Variants in GABRB1 observed in about 807,000 individuals in gnomAD.
GABRB1 encodes the protein gamma-aminobutyric acid type A receptor subunit beta1, also known as gamma-aminobutyric acid receptor subunit beta-1.
GABRB1 carries 17 observed loss-of-function variants against 51.6 expected under a neutral mutation model. The ratio of observed to expected loss-of-function variants is 0.33; its 90% CI spans 0.23 to 0.49. GABRB1 has a LOEUF of 0.49. GABRB1 is among the 20% of genes least tolerant of loss of function. The pLI is 0.99. For synonymous variants in GABRB1, 247 were observed against 218.9 expected (o/e 1.13, Z -1.14); for missense variants, 410 against 600.6 (o/e 0.68, Z 3.32).
chr4:47,172,133 G>A (rs1010112939), intron 4 of GABRB1, among the ~76,000 whole-genome samples: 1 of 152,020 alleles, frequency 6.6e-6, no homozygotes, highest in South Asian at 2.1e-4. Flanking sequence ...TATGGATTAC[G>A]CAGCATCCCA....
At chr4:47,223,532 A>G (rs1272012868) in intron 4 of GABRB1, among the ~76,000 whole-genome samples, 1 of 152,128 alleles carries the variant, frequency 6.6e-6, no homozygotes, top group Non-Finnish European at 1.5e-5. Context: ...AAGCCTGACA[A>G]TTATAAATCA....
intron 4 of GABRB1, among the ~76,000 whole-genome samples, chr4:47,214,897 T>C (rs1720495254): frequency 6.6e-6 from 1 of 152,194 alleles, no homozygotes. Flanking sequence ...AAGTTCTAGC[T>C]AGGTATATGA....
chr4:47,189,257 G>A (rs893249717), intron 4 of GABRB1, among the ~76,000 whole-genome samples: 3 of 151,842 alleles, frequency 2.0e-5, no homozygotes, highest in African/African-American at 7.3e-5. Flanking sequence ...AGAGTACCAT[G>A]CATGGGTTAA....
chr4:47,032,495 T>C lies in GABRB1; in HGVS notation c.240+11T>C. On this transcript the variant is annotated intron_variant, in intron 3 of 8. Transcript: ENST00000295454. ...TCCGAAGTGAATATGGTGAGTGGCC[T>C]CCCGAGGGGCCCGGCGGTTCGGCTT... The C allele has an allele frequency of 6.2e-7, 1 of 1,613,186 alleles. No homozygotes were observed. The highest frequency in any genetic ancestry group is 8.5e-7 in the Non-Finnish European group (1 of 1,179,276).
intron 5 of GABRB1, among the ~76,000 whole-genome samples, chr4:47,366,343 A>G (rs1168540866): frequency 6.6e-6 from 1 of 152,186 alleles, no homozygotes; most frequent in Non-Finnish European, 1.5e-5. Flanking sequence ...TGGCCCTCAA[A>G]TTACAACATA....
At chr4:47,139,748 T>C (rs1716833766) in intron 3 of GABRB1, among the ~76,000 whole-genome samples, 1 of 151,984 alleles carries the variant, frequency 6.6e-6, no homozygotes. Context: ...TCTCAAACTT[T>C]AATGTAAATA....
intron 4 of GABRB1, among the ~76,000 whole-genome samples, chr4:47,178,236 A>G (rs1718783294): frequency 6.6e-6 from 1 of 152,098 alleles, no homozygotes; most frequent in African/African-American, 2.4e-5. Context: ...TAAACACTCA[A>G]TGAATGGGAA....
chr4:47,074,616 TATA>T (rs1727473547), intron 3 of GABRB1, among the ~76,000 whole-genome samples: 1 of 152,214 alleles, frequency 6.6e-6, no homozygotes, highest in Non-Finnish European at 1.5e-5. Context: ...TTAGCTCCGT[TATA>T]ATATTATTGC....
At chr4:47,343,654 T>C (rs1401848774) in intron 5 of GABRB1, among the ~76,000 whole-genome samples, 1 of 152,208 alleles carries the variant, frequency 6.6e-6, no homozygotes, top group African/African-American at 2.4e-5. Context: ...TGGACCCTGG[T>C]TGCAAAATGA....
chr4:47,041,009 T>C (rs1226210363), intron 3 of GABRB1, among the ~76,000 whole-genome samples: 1 of 152,196 alleles, frequency 6.6e-6, no homozygotes, highest in Admixed American at 6.5e-5. Context: ...ATCTGGTCTC[T>C]TCTCCACTGT....
chr4:47,086,140 G>A (rs895018916), intron 3 of GABRB1, among the ~76,000 whole-genome samples: 15 of 152,214 alleles, frequency 9.9e-5, no homozygotes, highest in Non-Finnish European at 2.1e-4. Context: ...CATGTTAAAA[G>A]AGGGAGAGTT....
At chr4:47,300,016 C>T (rs1724184831) in intron 4 of GABRB1, among the ~76,000 whole-genome samples, 1 of 146,212 alleles carries the variant, frequency 6.8e-6, no homozygotes, top group South Asian at 2.1e-4. Flanking sequence ...CACATGTTCT[C>T]ACTCATAGGT....
intron 3 of GABRB1, among the ~76,000 whole-genome samples, chr4:47,098,175 CACACACACACACACAT>C (rs748822240): frequency 8.4e-6 from 1 of 119,318 alleles, no homozygotes; most frequent in Non-Finnish European, 2.1e-5. Context: ...CACACACACA[CACACACACACACACAT>C]GTTTTTCAGT....
chr4:47,259,824 A>G (rs992567546), intron 4 of GABRB1, among the ~76,000 whole-genome samples: 1 of 152,174 alleles, frequency 6.6e-6, no homozygotes, highest in African/African-American at 2.4e-5. Context: ...TCTCAACCCT[A>G]GCTTTTACCA....
chr4:47,185,615 T>C (rs1475620911), intron 4 of GABRB1, among the ~76,000 whole-genome samples: 1 of 151,874 alleles, frequency 6.6e-6, no homozygotes, highest in Non-Finnish European at 1.5e-5. Context: ...CATTCAAAAC[T>C]ATACTTGAAC....
intron 4 of GABRB1, among the ~76,000 whole-genome samples, chr4:47,164,154 C>A (rs527647209): frequency 6.6e-6 from 1 of 152,146 alleles, no homozygotes; most frequent in East Asian, 1.9e-4. Flanking sequence ...TCCCACCGGG[C>A]CCTCCCTTGA....
At chr4:47,330,838 A>G (rs2109974885) in intron 5 of GABRB1, among the ~76,000 whole-genome samples, 1 of 152,300 alleles carries the variant, frequency 6.6e-6, no homozygotes, top group South Asian at 2.1e-4. Context: ...GAATATATAA[A>G]CATGTAAATA....
In GABRB1 at chr4:47,251,864, T is replaced by G. The variant is rs186924332; in HGVS notation, c.462-68263T>G. Among the ~76,000 whole-genome samples, 87 of 152,268 alleles carry G rather than the reference T, an allele frequency of 5.7e-4. No homozygotes were observed. In the Middle Eastern group the frequency reaches 0.014, roughly 24 times the overall value. ...CCCCACCTAACAGCCCTGAGTCTAT[T>G]TTCAGGCAGTGGGCGAGCCAGACTT... On this transcript the variant is annotated intron_variant, in intron 4 of 8. Transcript: ENST00000295454.
At chr4:47,018,459 T>A (rs1169154110) in intron 1 of GABRB1, among the ~76,000 whole-genome samples, 1 of 152,202 alleles carries the variant, frequency 6.6e-6, no homozygotes, top group East Asian at 1.9e-4. Context: ...AGTATGATAA[T>A]GTCAGAAATC....
Sources: gnomAD v4.1 joint callset for allele counts (sites outside exome capture counted in the v4.1 genomes callset) on GRCh38, gnomAD v4.1.1 for gene constraint, MANE v1.5 for transcripts, NCBI Gene and HGNC (gene_info 2026-07-23, HGNC 2026-07-21) for gene names.